KSR2: variants seen among roughly 807,000 people sequenced by gnomAD.
The protein encoded by KSR2 is kinase suppressor of ras 2.
KSR2 carries 25 observed loss-of-function variants against 107.8 expected under a neutral mutation model. That is an observed-to-expected ratio of 0.23 (90% CI 0.17 to 0.32). The LOEUF (loss-of-function observed/expected upper bound fraction) is 0.32, where lower values mean the gene tolerates loss of function less well. Among genes scored for constraint, KSR2 ranks in the 10% least tolerant of loss-of-function variants. The pLI is 1.00. For missense variants in KSR2, 887 were observed against 1,268.9 expected, an observed-to-expected ratio of 0.70 and a Z score of 4.57; for synonymous variants, 480 against 507.0, an observed-to-expected ratio of 0.95 and a Z score of 0.71.
chr12:117,612,872 G>C (rs568537478), intron 5 of KSR2, among the ~76,000 whole-genome samples: 1 of 152,234 alleles, frequency 6.6e-6, no homozygotes. Context: ...CAGACCTAAT[G>C]GTTTTTTAAG....
At chr12:117,908,416 T>G (rs1894917845) in intron 1 of KSR2, among the ~76,000 whole-genome samples, 1 of 152,082 alleles carries the variant, frequency 6.6e-6, no homozygotes, top group South Asian at 2.1e-4. Context: ...AGGAACCTCA[T>G]CAAAATAAAA....
intron 5 of KSR2, among the ~76,000 whole-genome samples, chr12:117,587,558 A>C (rs1000092287): frequency 2.6e-5 from 4 of 152,192 alleles, no homozygotes; most frequent in Admixed American, 6.5e-5. Context: ...ACTGTAAGAT[A>C]ATAAATCTGT....
At chr12:117,540,247 C>G (rs1876387720) in intron 9 of KSR2, among the ~76,000 whole-genome samples, 1 of 152,126 alleles carries the variant, frequency 6.6e-6, no homozygotes, top group Non-Finnish European at 1.5e-5. Context: ...ACCTCTCCTC[C>G]CAAGTGTTTA....
chr12:117,961,041 C>A (rs935773277), intron 1 of KSR2, among the ~76,000 whole-genome samples: 6 of 152,136 alleles, frequency 3.9e-5, no homozygotes, highest in Admixed American at 3.3e-4. Flanking sequence ...TCAAGCAATC[C>A]TCCCACCTTG....
At chr12:117,682,195 A>G (rs1206152397) in intron 4 of KSR2, among the ~76,000 whole-genome samples, 1 of 152,148 alleles carries the variant, frequency 6.6e-6, no homozygotes, top group Non-Finnish European at 1.5e-5. Context: ...ACATGTTATC[A>G]CTTATAAGTG....
chr12:117,599,990 G>A (rs1880847234), intron 5 of KSR2, among the ~76,000 whole-genome samples: 1 of 152,160 alleles, frequency 6.6e-6, no homozygotes, highest in Non-Finnish European at 1.5e-5. Context: ...GCCCTCCCAG[G>A]TCGGTCAAGC....
intron 1 of KSR2, among the ~76,000 whole-genome samples, chr12:117,939,257 T>C (rs899443110): frequency 5.5e-4 from 83 of 152,228 alleles, no homozygotes; most frequent in African/African-American, 1.8e-3. Context: ...AAACATATAT[T>C]GAAATGTATT....
chr12:117,470,982 C>T (rs978224823), intron 18 of KSR2, among the ~76,000 whole-genome samples: 1 of 152,174 alleles, frequency 6.6e-6, no homozygotes, highest in African/African-American at 2.4e-5. Context: ...GTTACTGTGC[C>T]CCTGGTGGCA....
At chr12:117,831,676 C>G (rs1410184884) in intron 3 of KSR2, among the ~76,000 whole-genome samples, 1 of 152,182 alleles carries the variant, frequency 6.6e-6, no homozygotes, top group Non-Finnish European at 1.5e-5. Flanking sequence ...AGACATTGGA[C>G]TTTGTATATT....
chr12:117,595,617 C>A (rs1880600210), intron 5 of KSR2, among the ~76,000 whole-genome samples: 1 of 152,188 alleles, frequency 6.6e-6, no homozygotes, highest in Admixed American at 6.5e-5. Context: ...CCCGCCTCGG[C>A]CTCCCAAAGT....
At chr12:117,533,523 G>C (rs181728990) in intron 10 of KSR2, among the ~76,000 whole-genome samples, 61 of 152,296 alleles carry the variant, frequency 4.0e-4, no homozygotes, top group African/African-American at 1.3e-3. Flanking sequence ...CTTATTCAAG[G>C]TCACAGAGCA....
intron 4 of KSR2, among the ~76,000 whole-genome samples, chr12:117,702,960 C>T (rs952876645): frequency 1.3e-5 from 2 of 152,286 alleles, no homozygotes; most frequent in African/African-American, 4.8e-5. Flanking sequence ...CCTCAGGGAG[C>T]CCAAGGGGGA....
chr12:117,788,886 C>G (rs1056037163), intron 3 of KSR2, among the ~76,000 whole-genome samples: 1 of 152,198 alleles, frequency 6.6e-6, no homozygotes, highest in Non-Finnish European at 1.5e-5. Flanking sequence ...CTATGATTCT[C>G]TCTCCATTAA....
rs1500089 is a variant in KSR2 at position 117,574,003 on chromosome 12, G to A, written c.1325+5116C>T. Among the ~76,000 whole-genome samples the A allele has an allele frequency of 6.8e-3, 1,036 of 152,252 alleles. 9 individuals are homozygous for A. Among genetic ancestry groups the A allele is most frequent in the African/African-American group, 0.022 (911 of 41,536 alleles). The stretch of plus-strand genomic sequence containing the variant: ...ACACAAACATCTCACATTATGAAAT[G>A]TCCCGCTGGGCAATAAAGCTTGATT... On this transcript the variant is annotated intron_variant, in intron 7 of 19. Transcript: ENST00000339824.
chr12:117,532,349 T>C (rs573547902), intron 10 of KSR2, among the ~76,000 whole-genome samples: 2 of 152,312 alleles, frequency 1.3e-5, no homozygotes, highest in Non-Finnish European at 2.9e-5. Context: ...CATGGCTCCA[T>C]CACTCCAACC....
chr12:117,872,992 C>T (rs1466278517), intron 1 of KSR2, among the ~76,000 whole-genome samples: 1 of 152,144 alleles, frequency 6.6e-6, no homozygotes, highest in Non-Finnish European at 1.5e-5. Context: ...GGAACCAGAA[C>T]AGAAGGGCAG....
chr12:117,669,724 C>T (rs1027618804), intron 4 of KSR2, among the ~76,000 whole-genome samples: 32 of 151,782 alleles, frequency 2.1e-4, no homozygotes, highest in Admixed American at 6.6e-5. Context: ...AAACATTAGC[C>T]GGGTTTGGAG....
chr12:117,499,049 C>T (rs1592930556), intron 14 of KSR2, among the ~76,000 whole-genome samples: 1 of 152,214 alleles, frequency 6.6e-6, no homozygotes, highest in Non-Finnish European at 1.5e-5. Flanking sequence ...CTTTGAGCCT[C>T]TTCCATGAGC....
At chr12:117,799,499 C>CA (rs563003278) in intron 3 of KSR2, among the ~76,000 whole-genome samples, 10,769 of 124,638 alleles carry the variant, frequency 0.086, 1,325 homozygotes, top group African/African-American at 0.29. Flanking sequence ...AAGACTCCAC[C>CA]AAAAAAAAAA....
Sources: allele counts gnomAD v4.1 joint callset (sites outside exome capture counted in the v4.1 genomes callset), GRCh38; gene constraint gnomAD v4.1.1; transcripts MANE v1.5; gene names NCBI Gene and HGNC (gene_info 2026-07-23, HGNC 2026-07-21).